Variants in SLCO3A1 observed in about 807,000 individuals in gnomAD.
SLCO3A1 encodes PGE1 transporter.
Under a neutral mutation model 63.1 loss-of-function variants are expected in SLCO3A1, and 27 were observed. The observed-to-expected ratio is 0.43, with a 90% confidence interval of 0.32 to 0.59. The LOEUF is 0.59. SLCO3A1 is among the 20% of genes least tolerant of loss of function. The probability of loss-of-function intolerance (pLI) is 0.09; values close to 1 mark genes in which losing one functional copy is unlikely to be tolerated. For synonymous variants in SLCO3A1, 473 were observed against 409.9 expected (o/e 1.15, Z -1.86); for missense variants, 773 against 945.8 (o/e 0.82, Z 2.40).
At chr15:92,047,604 T>TA (rs2046903362) in intron 2 of SLCO3A1, among the ~76,000 whole-genome samples, 1 of 56,396 alleles carries the variant, frequency 1.8e-5, no homozygotes, top group African/African-American at 5.2e-5. Flanking sequence ...ATATATAATA[T>TA]ATATATAATA....
At chr15:92,130,903 A>C (rs2047986833) in intron 7 of SLCO3A1, among the ~76,000 whole-genome samples, 2 of 151,508 alleles carry the variant, frequency 1.3e-5, no homozygotes, top group South Asian at 2.1e-4. Flanking sequence ...AAAAAAAAAA[A>C]AAAAAACTCT....
At chr15:92,139,990 T>G (rs1390051864) in intron 7 of SLCO3A1, among the ~76,000 whole-genome samples, 1 of 143,376 alleles carries the variant, frequency 7.0e-6, no homozygotes, top group Admixed American at 7.1e-5. Context: ...AGTTCTGCTC[T>G]GATTTTAGTT....
At chr15:92,168,246 G>A (rs1011863554), downstream of SLCO3A1, among the ~76,000 whole-genome samples, 2 of 152,204 alleles carry the variant, frequency 1.3e-5, no homozygotes, top group South Asian at 2.1e-4. Context: ...AGAGTGGGTG[G>A]CCTAGAAACT....
chr15:92,050,990 T>A (rs540206433), intron 2 of SLCO3A1, among the ~76,000 whole-genome samples: 1 of 152,314 alleles, frequency 6.6e-6, no homozygotes, highest in African/African-American at 2.4e-5. Context: ...CCAGCCCAAA[T>A]CCACCTTCTT....
intron 2 of SLCO3A1, among the ~76,000 whole-genome samples, chr15:92,087,717 C>T (rs1274122049): frequency 6.6e-6 from 1 of 151,802 alleles, no homozygotes; most frequent in African/African-American, 2.4e-5. Context: ...GGGGTTGTCT[C>T]CATGTTGGTC....
chr15:91,921,247 A>G (rs1278529012), intron 2 of SLCO3A1, among the ~76,000 whole-genome samples: 2 of 152,082 alleles, frequency 1.3e-5, no homozygotes, highest in Non-Finnish European at 2.9e-5. Context: ...TGTGTATCCA[A>G]TTTACTCCTC....
chr15:91,881,065 G>T (rs1463987831), intron 1 of SLCO3A1, among the ~76,000 whole-genome samples: 1 of 152,140 alleles, frequency 6.6e-6, no homozygotes, highest in Non-Finnish European at 1.5e-5. Context: ...CCTGAGACCT[G>T]CATTCATGTA....
intron 2 of SLCO3A1, among the ~76,000 whole-genome samples, chr15:92,083,077 C>G (rs1264722331): frequency 6.6e-6 from 1 of 152,094 alleles, no homozygotes; most frequent in Non-Finnish European, 1.5e-5. Flanking sequence ...CTGTGTTTTC[C>G]CCCTGCTGAA....
intron 4 of SLCO3A1, 48 bp from the exon 5 acceptor site, chr15:92,120,417 A>C: frequency 6.3e-7 from 1 of 1,581,728 alleles, no homozygotes; most frequent in Non-Finnish European, 8.7e-7. Flanking sequence ...AGATGGGAGC[A>C]CAGGGTGTGA....
At chr15:92,101,977 G>A (rs1416791755) in intron 3 of SLCO3A1, among the ~76,000 whole-genome samples, 2 of 152,052 alleles carry the variant, frequency 1.3e-5, no homozygotes, top group African/African-American at 4.8e-5. Flanking sequence ...CTCTCCCTGG[G>A]TTGTTTTCTC....
At position 91,880,389 on chromosome 15, in the gene SLCO3A1, C is replaced by CTGTGTGTGTGTGTGTGTG. The variant is rs1358208114; in HGVS notation, c.180+26302_180+26303insGTGTGTGTGTGTGTGTGT. 1.8e-3 allele frequency among the ~76,000 whole-genome samples: 184 copies of CTGTGTGTGTGTGTGTGTG among 103,726 alleles called. 3 individuals are homozygous for CTGTGTGTGTGTGTGTGTG. Among genetic ancestry groups the CTGTGTGTGTGTGTGTGTG allele is most frequent in the Middle Eastern group, 9.8e-3 (2 of 204 alleles). 68.0% of individuals were successfully genotyped at this position (103,726 alleles called of 152,430 possible). A position where few individuals can be genotyped will look rare whatever the true frequency, so the allele number is the denominator to read the frequency against. ...TTTACCGGCACTCGTGCTTCTCTCTCTCTCTCTCTCTCTCTCTCTCTGTGT... is the reference window on the plus strand; with the variant it reads ...TTTACCGGCACTCGTGCTTCTCTCTCTGTGTGTGTGTGTGTGTGTCTCTCTCTCTCTCTCTCTCTGTGT... On this transcript the variant is annotated intron_variant, in intron 1 of 9. Coordinates refer to ENST00000318445, the MANE Select transcript of SLCO3A1 (RefSeq NM_013272.4).
intron 2 of SLCO3A1, among the ~76,000 whole-genome samples, chr15:92,089,272 T>C (rs1050433304): frequency 2.6e-5 from 4 of 152,140 alleles, no homozygotes; most frequent in Non-Finnish European, 4.4e-5. Flanking sequence ...GTGATCCGCT[T>C]GCCTCAGCCT....
At chr15:92,043,751 A>T (rs1479056658) in intron 2 of SLCO3A1, among the ~76,000 whole-genome samples, 2 of 152,222 alleles carry the variant, frequency 1.3e-5, no homozygotes, top group Non-Finnish European at 2.9e-5. Context: ...ATTGCATGTC[A>T]ACAGTCTTGG....
intron 7 of SLCO3A1, among the ~76,000 whole-genome samples, chr15:92,145,135 T>C (rs765299938): frequency 6.6e-6 from 1 of 152,122 alleles, no homozygotes; most frequent in Non-Finnish European, 1.5e-5. Context: ...GAAAAATGCA[T>C]GGTGGGCCTG....
intron 4 of SLCO3A1, among the ~76,000 whole-genome samples, chr15:92,116,016 A>T (rs2151556819): frequency 6.6e-6 from 1 of 152,248 alleles, no homozygotes; most frequent in Admixed American, 6.5e-5. Context: ...AAGCCAGACC[A>T]GAGTAGCATA....
chr15:92,006,678 T>C (rs963228685), intron 2 of SLCO3A1, among the ~76,000 whole-genome samples: 1 of 152,230 alleles, frequency 6.6e-6, no homozygotes, highest in Admixed American at 6.5e-5. Flanking sequence ...ACTGCCGTTA[T>C]TGTTAAAGAC....
In SLCO3A1 at chr15:91,911,042, A is replaced by G. The variant is rs145473670; in HGVS notation, c.181-4951A>G. Among the ~76,000 whole-genome samples, 76 of 152,348 alleles carry G rather than the reference A, an allele frequency of 5.0e-4. No individual in the cohort carries two copies. In the East Asian group the frequency reaches 0.014, roughly 29 times the overall value. The stretch of plus-strand genomic sequence containing the variant: ...ACCTTTTGAAGGTGAGGATGGGCTC[A>G]TGAATACTTGGCCGTGGCCTCTGAA... On this transcript the variant is annotated intron_variant, in intron 1 of 9. Transcript: ENST00000318445.
At chr15:92,050,721 G>A (rs900795082) in intron 2 of SLCO3A1, among the ~76,000 whole-genome samples, 14 of 152,120 alleles carry the variant, frequency 9.2e-5, no homozygotes, top group African/African-American at 2.9e-4. Context: ...TTTAGGTCAC[G>A]TCCCTGCTTA....
intron 2 of SLCO3A1, among the ~76,000 whole-genome samples, chr15:92,039,410 A>G (rs1169544085): frequency 6.6e-6 from 1 of 152,254 alleles, no homozygotes; most frequent in African/African-American, 2.4e-5. Flanking sequence ...TGGGCAAAGG[A>G]TATGAACAGA....
Sources: allele counts gnomAD v4.1 joint callset (sites outside exome capture counted in the v4.1 genomes callset), GRCh38; gene constraint gnomAD v4.1.1; transcripts MANE v1.5; gene names NCBI Gene and HGNC (gene_info 2026-07-23, HGNC 2026-07-21).